NUP98: variants seen among roughly 807,000 people sequenced by gnomAD.
The protein encoded by NUP98 is nucleoporin 98 and 96 precursor, also known as nuclear pore complex protein Nup98-Nup96.
A neutral mutation model predicts 191.9 loss-of-function variants in NUP98; 26 were observed. The observed-to-expected ratio is 0.14, with a 90% CI of 0.10 to 0.19. The LOEUF (loss-of-function observed/expected upper bound fraction) is 0.19, where lower values mean the gene tolerates loss of function less well. NUP98 is among the 10% of genes least tolerant of loss of function. The pLI, the probability that NUP98 is intolerant of heterozygous loss-of-function variation, is 1.00. For synonymous variants in NUP98, 808 were observed against 778.4 expected, an observed-to-expected ratio of 1.04 and a Z score of -0.63; for missense variants, 1,941 against 2,178.8, an observed-to-expected ratio of 0.89 and a Z score of 2.17.
intron 25 of NUP98, among the ~76,000 whole-genome samples, chr11:3,698,015 T>G (rs1267538811): frequency 6.6e-6 from 1 of 152,120 alleles, no homozygotes; most frequent in African/African-American, 2.4e-5. Flanking sequence ...TAGAACATAT[T>G]TTATAGCAAT....
chr11:3,795,408 T>C (rs1483153233), intron 1 of NUP98, among the ~76,000 whole-genome samples: 4 of 152,176 alleles, frequency 2.6e-5, no homozygotes, highest in Non-Finnish European at 5.9e-5. Context: ...ATTGCGCCAC[T>C]GCACTCTAGC....
intron 15 of NUP98, 49 bp downstream of exon 15, chr11:3,725,054 G>T: frequency 2.6e-6 from 2 of 774,872 alleles, no homozygotes; most frequent in South Asian, 1.8e-5. Context: ...TCTTAAAAAT[G>T]AGACTATAAC....
chr11:3,748,138 T>G (rs2080578320), intron 11 of NUP98, among the ~76,000 whole-genome samples: 1 of 152,292 alleles, frequency 6.6e-6, no homozygotes, highest in East Asian at 1.9e-4. Context: ...AATAAAATGT[T>G]AGGATATTAC....
At chr11:3,707,737 T>TAAAAAAAAAA (rs2078901008) in intron 20 of NUP98, among the ~76,000 whole-genome samples, 1 of 4,490 alleles carries the variant, frequency 2.2e-4, no homozygotes, top group South Asian at 0.01. Flanking sequence ...AGACTCTGTC[T>TAAAAAAAAAA]CAAAAAAAAA....
chr11:3,775,357 C>T lies in NUP98; in HGVS notation c.495+525G>A, dbSNP rs556690845. The stretch of plus-strand genomic sequence containing the variant: ...CCAGCCTGGCCACCATGGTGAAACG[C>T]CATCTCTACTACAAAAAACTACAAA... On this transcript the variant is annotated intron_variant, in intron 5 of 32. Coordinates refer to ENST00000324932, the MANE Select transcript of NUP98 (RefSeq NM_016320.5). 4.6e-5 allele frequency among the ~76,000 whole-genome samples: 7 copies of T among 152,078 alleles called. No individual in the cohort carries two copies. In the East Asian group the frequency reaches 1.2e-3, roughly 25 times the overall value.
Position 3,744,489 on chromosome 11 carries a change from C to T in NUP98, c.1408+20G>A. 1.3e-6 allele frequency: 2 copies of T among 1,586,462 alleles called. No homozygotes were observed. The highest frequency in any genetic ancestry group is 1.9e-5 in the Admixed American group (1 of 51,366). ...TTAGCAAAAAATTAAGAAAAGCCTT[C>T]TAAAGTGACTGACACTTACCTACTG... On this transcript the variant is annotated intron_variant, in intron 12 of 32. Transcript: ENST00000324932.
At chr11:3,795,161 C>T (rs1383446465) in intron 1 of NUP98, among the ~76,000 whole-genome samples, 2 of 152,168 alleles carry the variant, frequency 1.3e-5, no homozygotes, top group African/African-American at 4.8e-5. Flanking sequence ...CAGGTACTGG[C>T]TGGGCACAGT....
chr11:3,765,913 T>C (rs908646067), intron 8 of NUP98, among the ~76,000 whole-genome samples: 2 of 152,110 alleles, frequency 1.3e-5, no homozygotes, highest in Non-Finnish European at 1.5e-5. Flanking sequence ...CAGCACCATA[T>C]GTTGAAAAGA....
At chr11:3,779,327 G>T (rs1490630403) in intron 2 of NUP98, 70 bp from the exon 3 acceptor site, 2 of 1,217,242 alleles carry the variant, frequency 1.6e-6, no homozygotes, top group Non-Finnish European at 2.4e-6. Flanking sequence ...AAATGAAAAG[G>T]CATTTTAATA....
chr11:3,795,462 A>G (rs1261971864), intron 1 of NUP98, among the ~76,000 whole-genome samples: 1 of 152,118 alleles, frequency 6.6e-6, no homozygotes, highest in Non-Finnish European at 1.5e-5. Flanking sequence ...AAATAAACAA[A>G]TAAATGTCAG....
At chr11:3,680,912 G>A (rs970574062) in intron 30 of NUP98, among the ~76,000 whole-genome samples, 1 of 152,078 alleles carries the variant, frequency 6.6e-6, no homozygotes, top group African/African-American at 2.4e-5. Flanking sequence ...CCAGGCTGGA[G>A]TGCAGTGGTG....
intron 25 of NUP98, among the ~76,000 whole-genome samples, chr11:3,698,725 CAAAAAAAAAAA>C (rs549214359): frequency 8.4e-5 from 3 of 35,768 alleles, no homozygotes; most frequent in East Asian, 2.6e-3. Context: ...GAAACTGTCT[CAAAAAAAAAAA>C]AAAAAAAAAA....
At chr11:3,687,306 T>C (rs899475459) in intron 28 of NUP98, among the ~76,000 whole-genome samples, 1 of 152,188 alleles carries the variant, frequency 6.6e-6, no homozygotes, top group Non-Finnish European at 1.5e-5. Context: ...GATCTACGAA[T>C]TGCAAGTATT....
intron 13 of NUP98, among the ~76,000 whole-genome samples, chr11:3,734,279 C>T (rs909431453): frequency 2.6e-5 from 4 of 152,096 alleles, no homozygotes; most frequent in African/African-American, 4.8e-5. Context: ...GTGATCCACC[C>T]GCCTCGGACT....
At chr11:3,704,123 C>A (rs574562775) in intron 22 of NUP98, among the ~76,000 whole-genome samples, 32 of 152,298 alleles carry the variant, frequency 2.1e-4, no homozygotes, top group Non-Finnish European at 5.9e-5. Flanking sequence ...GAATGTTTAA[C>A]TGATACTTTT....
In NUP98 at chr11:3,797,459, G is replaced by C; in HGVS notation, c.-88C>G. The C allele has an allele frequency of 2.4e-6, 1 of 423,788 alleles. No homozygotes were observed. The highest frequency in any genetic ancestry group is 3.6e-5 in the East Asian group (1 of 28,110). The allele number at this position is 423,788 out of a possible 1,614,324, so 26.3% of individuals were successfully genotyped here. ...CCCCTGCTGCCACCCGCCGCTCACA[G>C]AGCAGCGCGCGGCCCCCACGAAACC... On this transcript the variant is annotated 5_prime_UTR_variant, in exon 1 of 33. Transcript: ENST00000324932.
chr11:3,701,425 C>A (rs1378051923), intron 23 of NUP98, among the ~76,000 whole-genome samples: 2 of 151,812 alleles, frequency 1.3e-5, no homozygotes, highest in Admixed American at 6.6e-5. Flanking sequence ...CCACCCTGGG[C>A]TAATTTTTGT....
intron 31 of NUP98, 121 bp from the exon 32 acceptor site, chr11:3,676,741 G>A (rs775234393): frequency 1.6e-5 from 13 of 836,868 alleles, no homozygotes; most frequent in South Asian, 2.7e-5. Flanking sequence ...AATCCAAGAT[G>A]ATGACACAGG....
At chr11:3,793,441 C>A (rs2082421681) in intron 1 of NUP98, among the ~76,000 whole-genome samples, 1 of 151,860 alleles carries the variant, frequency 6.6e-6, no homozygotes, top group African/African-American at 2.4e-5. Flanking sequence ...GTGCGTGTCA[C>A]TGTGCCCAAC....
Sources: allele counts gnomAD v4.1 joint callset (sites outside exome capture counted in the v4.1 genomes callset), GRCh38; gene constraint gnomAD v4.1.1; transcripts MANE v1.5; gene names NCBI Gene and HGNC (gene_info 2026-07-23, HGNC 2026-07-21).